Variants in RNF169 observed in about 807,000 individuals in gnomAD.
The protein encoded by RNF169 is ring finger protein 169.
RNF169 carries 24 observed loss-of-function variants against 53.9 expected under a neutral mutation model. The ratio of observed to expected loss-of-function variants is 0.45; its 90% CI spans 0.32 to 0.63. The LOEUF (loss-of-function observed/expected upper bound fraction) is 0.63, where lower values mean the gene tolerates loss of function less well. RNF169 is among the 20% of genes least tolerant of loss of function. The pLI is 0.04. For missense variants in RNF169, 883 were observed against 906.2 expected, an observed-to-expected ratio of 0.97 and a Z score of 0.33; for synonymous variants, 396 against 363.5, an observed-to-expected ratio of 1.09 and a Z score of -1.02.
chr11:74,759,218 A>G (rs1320943277), intron 1 of RNF169, among the ~76,000 whole-genome samples: 23 of 122,554 alleles, frequency 1.9e-4, no homozygotes, highest in East Asian at 8.0e-4. Flanking sequence ...GGCTGAGACA[A>G]TGGGGTTTTC....
intron 1 of RNF169, among the ~76,000 whole-genome samples, chr11:74,776,028 A>G (rs539515952): frequency 3.1e-4 from 47 of 152,202 alleles, no homozygotes; most frequent in Non-Finnish European, 5.7e-4. Context: ...AAAACCTGAT[A>G]CTTTATAGCC....
intron 2 of RNF169, among the ~76,000 whole-genome samples, chr11:74,808,397 T>C (rs1449091176): frequency 6.6e-6 from 1 of 152,164 alleles, no homozygotes; most frequent in African/African-American, 2.4e-5. Context: ...ATCCTGTGCA[T>C]TTAGGATGTT....
At chr11:74,775,885 A>AT (rs2135331790) in intron 1 of RNF169, among the ~76,000 whole-genome samples, 1 of 152,294 alleles carries the variant, frequency 6.6e-6, no homozygotes, top group South Asian at 2.1e-4. Flanking sequence ...TTCAGCACTT[A>AT]ATATGTTATC....
Position 74,835,811 on chromosome 11 carries a change from G to A in RNF169, c.1208G>A (p.Ser403Asn). 1 of 1,614,186 alleles carries A rather than the reference G, an allele frequency of 6.2e-7. No individual in the cohort carries two copies. Among genetic ancestry groups the A allele is most frequent in the Non-Finnish European group, 8.5e-7 (1 of 1,180,030 alleles). ...AGACTCCCTGATGGCCGTGTGCTAAGTCCTCTCATCATCAAATCAACTCCA... is the reference window on the plus strand; with the variant it reads ...AGACTCCCTGATGGCCGTGTGCTAAATCCTCTCATCATCAAATCAACTCCA... Reference protein sequence around the residue: ...PKRLPDGRVLSPLIIKSTPRN... With the variant: ...PKRLPDGRVLNPLIIKSTPRN... Residue 403 changes from serine to asparagine, a missense_variant, in exon 6 of 6, where the codon AGT (serine) becomes AAT (asparagine). Physicochemically the swap from Ser to Asn is conservative, Grantham distance 46 (BLOSUM62 1). Transcript: ENST00000299563.
intron 1 of RNF169, among the ~76,000 whole-genome samples, chr11:74,759,696 G>C (rs1300788791): frequency 6.9e-6 from 1 of 144,342 alleles, no homozygotes; most frequent in Admixed American, 6.9e-5. Context: ...TTGATGTGCT[G>C]CTGGATTTGG....
chr11:74,803,615 C>G (rs1278376274), intron 2 of RNF169, among the ~76,000 whole-genome samples: 1 of 152,132 alleles, frequency 6.6e-6, no homozygotes, highest in Admixed American at 6.6e-5. Flanking sequence ...TTCATAGGCT[C>G]CTATAAGCCC....
At chr11:74,776,721 T>C (rs1167466915) in intron 1 of RNF169, among the ~76,000 whole-genome samples, 1 of 152,120 alleles carries the variant, frequency 6.6e-6, no homozygotes, top group Admixed American at 6.5e-5. Flanking sequence ...GTGGGAAAAC[T>C]GCAAAGGAGA....
In RNF169 at chr11:74,836,925, C is replaced by CT; in HGVS notation, c.*196dup. ...TTTCTCTGTGACCCAGGCCAGAAGC[C>CT]TGAGTGACCCATCCCTAAGGGCTTC... On this transcript the variant is annotated 3_prime_UTR_variant, in exon 6 of 6. Transcript: ENST00000299563. 1 of 535,048 alleles carries CT rather than the reference C, an allele frequency of 1.9e-6. No homozygotes were observed. Among genetic ancestry groups the CT allele is most frequent in the Non-Finnish European group, 3.3e-6 (1 of 305,786 alleles). The allele number at this position is 535,048 out of a possible 1,614,324, so 33.1% of individuals were successfully genotyped here.
At chr11:74,829,539 A>C (rs778686231) in intron 4 of RNF169, among the ~76,000 whole-genome samples, 19 of 148,516 alleles carry the variant, frequency 1.3e-4, no homozygotes, top group Non-Finnish European at 2.1e-4. Flanking sequence ...AAATACACGC[A>C]CATGTGTGTT....
intron 1 of RNF169, among the ~76,000 whole-genome samples, chr11:74,762,654 G>A (rs1282287810): frequency 6.6e-6 from 1 of 151,280 alleles, no homozygotes. Flanking sequence ...ATGCATCTTT[G>A]AATATACAGG....
chr11:74,819,764 A>G (rs774611457), intron 4 of RNF169, among the ~76,000 whole-genome samples: 7 of 152,146 alleles, frequency 4.6e-5, no homozygotes, highest in Non-Finnish European at 5.9e-5. Context: ...TAAAATTTTT[A>G]TGTTATGAAG....
intron 4 of RNF169, among the ~76,000 whole-genome samples, chr11:74,826,961 A>G (rs1418764949): frequency 6.6e-6 from 1 of 152,168 alleles, no homozygotes; most frequent in African/African-American, 2.4e-5. Context: ...GTAAGCTGTC[A>G]GTGGATCTAC....
chr11:74,795,968 T>G (rs1212220710), intron 2 of RNF169, among the ~76,000 whole-genome samples: 3 of 152,242 alleles, frequency 2.0e-5, no homozygotes, highest in Non-Finnish European at 4.4e-5. Flanking sequence ...TCCATTTTCC[T>G]CAAATCCTTG....
At chr11:74,781,608 T>A (rs1269764853) in intron 1 of RNF169, among the ~76,000 whole-genome samples, 2 of 152,230 alleles carry the variant, frequency 1.3e-5, no homozygotes, top group Non-Finnish European at 2.9e-5. Flanking sequence ...CTAACTCTGG[T>A]CTTATGAAAC....
intron 4 of RNF169, among the ~76,000 whole-genome samples, chr11:74,824,595 G>T (rs879915740): frequency 1.3e-5 from 2 of 152,092 alleles, no homozygotes; most frequent in Non-Finnish European, 2.9e-5. Context: ...CAGAATACTG[G>T]AAATAGCAAA....
At chr11:74,762,177 G>T (rs1184187507) in intron 1 of RNF169, among the ~76,000 whole-genome samples, 1 of 150,270 alleles carries the variant, frequency 6.7e-6, no homozygotes, top group Non-Finnish European at 1.5e-5. Flanking sequence ...ACACTTCTCT[G>T]TATTGGTTAT....
At chr11:74,777,030 T>G (rs2035346285) in intron 1 of RNF169, among the ~76,000 whole-genome samples, 1 of 152,008 alleles carries the variant, frequency 6.6e-6, no homozygotes, top group Non-Finnish European at 1.5e-5. Context: ...AGGGAAGCAA[T>G]GTTAAAGATA....
chr11:74,748,870 C>T lies in RNF169; in HGVS notation c.-11C>T. The stretch of plus-strand genomic sequence containing the variant: ...CCTCGCAACCGACTCTCCCTTCAAA[C>T]GGGAAACAAGATGGCGGCTGCAGGT... On this transcript the variant is annotated 5_prime_UTR_variant, in exon 1 of 6. The change creates a new upstream start codon in the 5' untranslated region. Coordinates refer to ENST00000299563, the MANE Select transcript of RNF169 (RefSeq NM_001098638.2). 1.4e-6 allele frequency: 2 copies of T among 1,404,108 alleles called. No individual in the cohort carries two copies. The highest frequency in any genetic ancestry group is 1.9e-6 in the Non-Finnish European group (2 of 1,067,686). 87.0% of individuals were successfully genotyped at this position (1,404,108 alleles called of 1,614,324 possible). A position where few individuals can be genotyped will look rare whatever the true frequency, so the allele number is the denominator to read the frequency against.
intron 3 of RNF169, among the ~76,000 whole-genome samples, chr11:74,811,321 A>C (rs1455610635): frequency 6.6e-6 from 1 of 152,140 alleles, no homozygotes; most frequent in African/African-American, 2.4e-5. Flanking sequence ...GGTTCACTGC[A>C]GCCTTAGCTT....
Sources: allele counts gnomAD v4.1 joint callset (sites outside exome capture counted in the v4.1 genomes callset), GRCh38; gene constraint gnomAD v4.1.1; transcripts MANE v1.5; gene names NCBI Gene and HGNC (gene_info 2026-07-23, HGNC 2026-07-21).